TLK1: variants seen among roughly 807,000 people sequenced by gnomAD.
TLK1 encodes the protein tousled like kinase 1.
A neutral mutation model predicts 105.3 loss-of-function variants in TLK1; 24 were observed. The observed-to-expected ratio is 0.23, with a 90% CI of 0.17 to 0.32. TLK1 has a LOEUF of 0.32. Among genes scored for constraint, TLK1 ranks in the 10% least tolerant of loss-of-function variants. The probability of loss-of-function intolerance (pLI) is 1.00; values close to 1 mark genes in which losing one functional copy is unlikely to be tolerated. For missense variants in TLK1, 558 were observed against 910.5 expected (o/e 0.61, Z 4.98); for synonymous variants, 321 against 310.4 (o/e 1.03, Z -0.36).
intron 1 of TLK1, among the ~76,000 whole-genome samples, chr2:171,185,605 G>A (rs950650331): frequency 1.3e-5 from 2 of 152,110 alleles, no homozygotes; most frequent in Non-Finnish European, 2.9e-5. Context: ...AAGCCAATTA[G>A]CACTGTACAT....
chr2:171,046,063 G>T, intron 11 of TLK1, 111 bp downstream of exon 11: 1 of 951,904 alleles, frequency 1.1e-6, no homozygotes, highest in Non-Finnish European at 1.5e-6. Context: ...CTTCCTTCCT[G>T]GTCTTAATCA....
intron 3 of TLK1, among the ~76,000 whole-genome samples, chr2:171,072,490 G>A (rs1420792171): frequency 2.0e-5 from 3 of 152,016 alleles, no homozygotes; most frequent in East Asian, 3.9e-4. Flanking sequence ...GGGTGCAGTG[G>A]CTCACACCTG....
In TLK1 at chr2:170,993,554, C is replaced by A. The variant is rs1391527637; in HGVS notation, c.*226G>T. On this transcript the variant is annotated 3_prime_UTR_variant, in exon 21 of 21. Coordinates refer to ENST00000431350, the MANE Select transcript of TLK1 (RefSeq NM_012290.5). Reference sequence around the variant, plus strand: ...GTAACAGGCAGTCATCCTTCCTTCACTGCTCAAAATTATAGTCAGAAGTGT... The same window carrying A: ...GTAACAGGCAGTCATCCTTCCTTCAATGCTCAAAATTATAGTCAGAAGTGT... The A allele has an allele frequency of 2.6e-6, 1 of 382,292 alleles. No homozygotes were observed. Among genetic ancestry groups the A allele is most frequent in the East Asian group, 4.2e-5 (1 of 24,052 alleles). The allele number at this position is 382,292 out of a possible 1,614,324, so 23.7% of individuals were successfully genotyped here.
chr2:171,169,747 A>G (rs1309376268), intron 1 of TLK1, among the ~76,000 whole-genome samples: 2 of 152,238 alleles, frequency 1.3e-5, no homozygotes, highest in Non-Finnish European at 2.9e-5. Flanking sequence ...TTATTACCCC[A>G]GATTAAATTA....
intron 1 of TLK1, among the ~76,000 whole-genome samples, chr2:171,146,688 T>C (rs796718152): frequency 6.6e-6 from 1 of 152,214 alleles, no homozygotes; most frequent in Non-Finnish European, 1.5e-5. Context: ...TGAAACAAGA[T>C]ACCATTTTAA....
At chr2:171,024,024 T>C (rs1373512267) in intron 12 of TLK1, among the ~76,000 whole-genome samples, 2 of 152,204 alleles carry the variant, frequency 1.3e-5, no homozygotes, top group East Asian at 1.9e-4. Context: ...TAGGATCATT[T>C]AGAAGCTTTG....
chr2:171,130,049 G>A (rs994917264), intron 1 of TLK1, among the ~76,000 whole-genome samples: 3 of 152,122 alleles, frequency 2.0e-5, no homozygotes, highest in Admixed American at 6.6e-5. Flanking sequence ...TGGGCTCTGT[G>A]GCCAGACTGC....
intron 1 of TLK1, among the ~76,000 whole-genome samples, chr2:171,230,481 G>T (rs574909761): frequency 2.0e-5 from 3 of 152,100 alleles, no homozygotes; most frequent in Non-Finnish European, 2.9e-5. Context: ...AATGGAATCC[G>T]CAAGAGAATA....
At position 171,057,143 on chromosome 2, in the gene TLK1, A is replaced by G. The variant is rs117814179; in HGVS notation, c.454-577T>C. On this transcript the variant is annotated intron_variant, in intron 5 of 20. Transcript: ENST00000431350. ...CTTAGCTGCATATGAAGAGAAGCCA[A>G]CTGATCTATTCCATAGCTATCTTTT... 4.7e-4 allele frequency among the ~76,000 whole-genome samples: 71 copies of G among 152,206 alleles called. 1 individual carries two copies. In the East Asian group the frequency reaches 8.5e-3, roughly 18 times the overall value.
intron 3 of TLK1, among the ~76,000 whole-genome samples, chr2:171,065,997 G>A (rs918330744): frequency 1.3e-5 from 2 of 152,162 alleles, no homozygotes; most frequent in Non-Finnish European, 2.9e-5. Context: ...TGTGAGACAG[G>A]AAAATGTTTG....
At chr2:171,159,845 G>C (rs2105612220) in intron 1 of TLK1, 1 of 156,954 alleles carries the variant, frequency 6.4e-6, no homozygotes, top group African/African-American at 2.4e-5. Flanking sequence ...GCCTCTATGG[G>C]AGGAGTGCGC....
At chr2:171,191,977 A>G (rs10167878) in intron 1 of TLK1, among the ~76,000 whole-genome samples, 45,044 of 151,956 alleles carry the variant, frequency 0.3, 7,356 homozygotes, top group Middle Eastern at 0.37. Context: ...TGACCACAGA[A>G]TCCCTTTTAC....
intron 1 of TLK1, among the ~76,000 whole-genome samples, chr2:171,136,160 C>T (rs1228547094): frequency 6.6e-6 from 1 of 152,128 alleles, no homozygotes; most frequent in Non-Finnish European, 1.5e-5. Flanking sequence ...AACACTGAAA[C>T]ATGACACAAT....
intron 1 of TLK1, among the ~76,000 whole-genome samples, chr2:171,119,393 T>TCC (rs2105533547): frequency 6.6e-6 from 1 of 152,294 alleles, no homozygotes; most frequent in Admixed American, 6.5e-5. Context: ...CTGCAAATAT[T>TCC]CCCCATGGCC....
chr2:171,001,161 A>G (rs1039555763), intron 18 of TLK1, among the ~76,000 whole-genome samples: 1 of 152,144 alleles, frequency 6.6e-6, no homozygotes, highest in Admixed American at 6.5e-5. Context: ...GCTTTTTCTA[A>G]AACAATGATG....
chr2:171,065,569 GCT>G (rs1687950860), intron 3 of TLK1, among the ~76,000 whole-genome samples: 3 of 148,028 alleles, frequency 2.0e-5, no homozygotes, highest in Non-Finnish European at 4.4e-5. Flanking sequence ...ACGGAGTCTC[GCT>G]CTGTCGCCCA....
intron 11 of TLK1, among the ~76,000 whole-genome samples, chr2:171,029,314 A>C (rs1258492740): frequency 6.6e-6 from 1 of 152,200 alleles, no homozygotes; most frequent in Non-Finnish European, 1.5e-5. Context: ...CAAGATAAAA[A>C]AATGCTAAAA....
At chr2:171,138,534 G>A (rs546426176) in intron 1 of TLK1, among the ~76,000 whole-genome samples, 5 of 152,076 alleles carry the variant, frequency 3.3e-5, no homozygotes, top group Non-Finnish European at 7.4e-5. Context: ...TTAGTCCAAA[G>A]AAATTTAAGT....
intron 12 of TLK1, among the ~76,000 whole-genome samples, chr2:171,025,267 A>G (rs1209310630): frequency 6.6e-6 from 1 of 152,212 alleles, no homozygotes; most frequent in African/African-American, 2.4e-5. Flanking sequence ...TAGCTTTTCA[A>G]TTATAGTGAT....
Sources: gnomAD v4.1 joint callset for allele counts (sites outside exome capture counted in the v4.1 genomes callset) on GRCh38, gnomAD v4.1.1 for gene constraint, MANE v1.5 for transcripts, NCBI Gene and HGNC (gene_info 2026-07-23, HGNC 2026-07-21) for gene names.